Variants in DACH1 observed in about 807,000 individuals in gnomAD.
DACH1 encodes the protein dachshund family transcription factor 1, also known as dachshund homolog 1.
DACH1 carries 12 observed loss-of-function variants against 54.2 expected under a neutral mutation model. The ratio of observed to expected loss-of-function variants is 0.22; its 90% CI spans 0.14 to 0.36. The LOEUF is 0.36. Ranked by LOEUF, DACH1 falls within the 10% of genes least tolerant of loss-of-function variation. DACH1 has a pLI of 1.00. For synonymous variants in DACH1, 386 were observed against 366.2 expected, an observed-to-expected ratio of 1.05 and a Z score of -0.62; for missense variants, 805 against 929.8, an observed-to-expected ratio of 0.87 and a Z score of 1.75.
intron 10 of DACH1, among the ~76,000 whole-genome samples, chr13:71,449,429 A>T (rs767442475): frequency 2.3e-4 from 35 of 152,288 alleles, no homozygotes; most frequent in Admixed American, 1.0e-3. Flanking sequence ...CTTACTAAAA[A>T]GGGCTGGTAT....
intron 3 of DACH1, among the ~76,000 whole-genome samples, chr13:71,588,099 G>A (rs1008421361): frequency 2.0e-5 from 3 of 152,096 alleles, no homozygotes; most frequent in Admixed American, 6.5e-5. Flanking sequence ...AATATTTACA[G>A]TTTGAGAGAA....
intron 4 of DACH1, among the ~76,000 whole-genome samples, chr13:71,565,174 T>C (rs1173266108): frequency 6.6e-6 from 1 of 152,186 alleles, no homozygotes. Flanking sequence ...CCCAAAGTGC[T>C]GGGATTACAG....
intron 1 of DACH1, among the ~76,000 whole-genome samples, chr13:71,860,216 G>C (rs1057029428): frequency 1.3e-5 from 2 of 149,398 alleles, no homozygotes; most frequent in East Asian, 3.9e-4. Context: ...TTAGACATAC[G>C]TATGTACACA....
At chr13:71,789,808 C>T (rs748292765) in intron 1 of DACH1, among the ~76,000 whole-genome samples, 7 of 152,022 alleles carry the variant, frequency 4.6e-5, no homozygotes, top group African/African-American at 9.7e-5. Flanking sequence ...GCAATCAAAC[C>T]GTGCCTTTTA....
chr13:71,510,505 T>C (rs112712512), intron 6 of DACH1, among the ~76,000 whole-genome samples: 22 of 152,062 alleles, frequency 1.4e-4, no homozygotes, highest in Non-Finnish European at 3.2e-4. Context: ...CAGGGTCAAA[T>C]AACAAGATGA....
intron 1 of DACH1, among the ~76,000 whole-genome samples, chr13:71,736,260 T>C (rs1455262203): frequency 1.3e-5 from 2 of 152,198 alleles, no homozygotes; most frequent in African/African-American, 4.8e-5. Context: ...TGATTCACCT[T>C]AGAATAGATT....
intron 10 of DACH1, among the ~76,000 whole-genome samples, chr13:71,460,811 T>C (rs995811126): frequency 2.6e-5 from 4 of 152,066 alleles, no homozygotes; most frequent in Non-Finnish European, 5.9e-5. Context: ...ACTCCACTGC[T>C]GGTAACCCTT....
chr13:71,464,337 T>TAA (rs1328542453), intron 10 of DACH1, among the ~76,000 whole-genome samples: 2 of 152,072 alleles, frequency 1.3e-5, no homozygotes, highest in Non-Finnish European at 2.9e-5. Context: ...TTCTTTATTT[T>TAA]AAAGTGTTGC....
At chr13:71,688,164 A>G (rs942703298) in intron 1 of DACH1, among the ~76,000 whole-genome samples, 1 of 152,254 alleles carries the variant, frequency 6.6e-6, no homozygotes, top group Admixed American at 6.5e-5. Flanking sequence ...AAAAGCACAA[A>G]TAATCACTGA....
Position 71,813,242 on chromosome 13 carries a change from A to G in DACH1, c.848+52680T>C, listed in dbSNP as rs184476627. Among the ~76,000 whole-genome samples the G allele has an allele frequency of 6.6e-5, 10 of 152,314 alleles. No homozygotes were observed. The East Asian group carries it at 1.9e-3, about 29-fold the overall frequency. ...ACTATTATTTATAGAGCTCTCACTAAGAGTCAGACATTTTACCCATAATCA... is the reference window on the plus strand; with the variant it reads ...ACTATTATTTATAGAGCTCTCACTAGGAGTCAGACATTTTACCCATAATCA... On this transcript the variant is annotated intron_variant, in intron 1 of 10. Coordinates refer to ENST00000613252, the MANE Select transcript of DACH1 (RefSeq NM_080759.6).
At chr13:71,442,527 C>G (rs1483895907) in intron 10 of DACH1, among the ~76,000 whole-genome samples, 1 of 152,092 alleles carries the variant, frequency 6.6e-6, no homozygotes, top group African/African-American at 2.4e-5. Flanking sequence ...GGTTGAAATA[C>G]TACCTCCAAG....
At chr13:71,645,493 A>G (rs1878202987) in intron 2 of DACH1, among the ~76,000 whole-genome samples, 1 of 152,194 alleles carries the variant, frequency 6.6e-6, no homozygotes, top group South Asian at 2.1e-4. Flanking sequence ...AGGTCAGAGA[A>G]GCATGGGAGA....
rs1205803727 is a variant in DACH1 at position 71,439,997 on chromosome 13, T to C, written c.*658A>G. 6.6e-6 allele frequency: 1 copy of C among 152,192 alleles called. No homozygotes were observed. Among genetic ancestry groups the C allele is most frequent in the Non-Finnish European group, 1.5e-5 (1 of 67,910 alleles). 9.4% of individuals were successfully genotyped at this position (152,192 alleles called of 1,614,324 possible). On this transcript the variant is annotated 3_prime_UTR_variant, in exon 11 of 11. Transcript: ENST00000613252. ...ACCTTCAGTGAAAGCTTTTGGCTTA[T>C]ATTCAATGCTTCTTTTCAGATATGC...
chr13:71,643,332 C>T (rs1335919045), intron 2 of DACH1, among the ~76,000 whole-genome samples: 1 of 152,154 alleles, frequency 6.6e-6, no homozygotes, highest in Non-Finnish European at 1.5e-5. Context: ...AATACTCTTA[C>T]CATACATCTT....
chr13:71,818,151 T>A (rs985896271), intron 1 of DACH1, among the ~76,000 whole-genome samples: 1 of 152,106 alleles, frequency 6.6e-6, no homozygotes, highest in African/African-American at 2.4e-5. Context: ...AATATTTCTA[T>A]TGAACAGTGC....
intron 10 of DACH1, among the ~76,000 whole-genome samples, chr13:71,442,740 G>A (rs187686543): frequency 6.1e-4 from 93 of 151,792 alleles, no homozygotes; most frequent in Middle Eastern, 3.4e-3. Context: ...TTATAAATTA[G>A]GCACAGTAAG....
intron 2 of DACH1, among the ~76,000 whole-genome samples, chr13:71,654,782 A>T (rs1878978210): frequency 6.6e-6 from 1 of 152,214 alleles, no homozygotes; most frequent in African/African-American, 2.4e-5. Flanking sequence ...TCAAATACAT[A>T]TACAGTGATT....
intron 6 of DACH1, 78 bp from the exon 7 acceptor site, chr13:71,489,226 G>T: frequency 6.8e-7 from 1 of 1,463,552 alleles, no homozygotes. Context: ...GGCTTCCCTA[G>T]TGGTTTCCAG....
chr13:71,472,400 G>A (rs936096513), intron 10 of DACH1, among the ~76,000 whole-genome samples: 1 of 152,094 alleles, frequency 6.6e-6, no homozygotes, highest in Non-Finnish European at 1.5e-5. Flanking sequence ...TCTACCCAGA[G>A]GTGCATATTT....
Sources: gnomAD v4.1 joint callset for allele counts (sites outside exome capture counted in the v4.1 genomes callset) on GRCh38, gnomAD v4.1.1 for gene constraint, MANE v1.5 for transcripts, NCBI Gene and HGNC (gene_info 2026-07-23, HGNC 2026-07-21) for gene names.